NHERF1: variants seen among roughly 807,000 people sequenced by gnomAD.
The protein encoded by NHERF1 is NHERF family PDZ scaffold protein 1.
At chr17:74,766,872 ACCT>A in the NHERF1 span, 1 of 1,505,892 alleles carries the variant, frequency 6.6e-7, no homozygotes, top group Non-Finnish European at 9.2e-7. Context: ...CCCAACTCCT[ACCT>A]CCTCTCCACG....
the NHERF1 span, chr17:74,748,765 C>T: frequency 7.7e-7 from 1 of 1,293,094 alleles, no homozygotes; most frequent in East Asian, 2.5e-5. The surrounding 1 kb of genome is among the most constrained non-coding windows in gnomAD (Gnocchi z 4.3). Flanking sequence ...TCCCGGTTCG[C>T]TGGACGGGAA....
chr17:74,753,973 G>A, the NHERF1 span, among the ~76,000 whole-genome samples: 1 of 152,078 alleles, frequency 6.6e-6, no homozygotes, highest in Non-Finnish European at 1.5e-5. Flanking sequence ...AGACCAGCCT[G>A]GCCAACATGG....
At chr17:74,759,293 G>T in the NHERF1 span, among the ~76,000 whole-genome samples, 3 of 152,242 alleles carry the variant, frequency 2.0e-5, no homozygotes, top group Non-Finnish European at 2.9e-5. Context: ...AGCCCCTCAG[G>T]CTGGGTACCC....
the NHERF1 span, among the ~76,000 whole-genome samples, chr17:74,759,499 C>T: frequency 1.3e-3 from 205 of 151,868 alleles, no homozygotes; most frequent in African/African-American, 4.5e-3. Context: ...CCCTGCCAGC[C>T]GGGGGGGGCG....
chr17:74,765,833 T>C, the NHERF1 span, among the ~76,000 whole-genome samples: 191 of 152,320 alleles, frequency 1.3e-3, 1 homozygote, highest in Middle Eastern at 6.8e-3. Flanking sequence ...GTCCCAGTCA[T>C]GAGCCACCGA....
the NHERF1 span, among the ~76,000 whole-genome samples, chr17:74,764,666 A>AT: frequency 2.5e-4 from 38 of 152,148 alleles, 1 homozygote; most frequent in East Asian, 5.0e-3. This position sits in a 1 kb window ranked among gnomAD's most constrained non-coding sequence, Gnocchi z 4.9. Flanking sequence ...CCCCTCAGAC[A>AT]TTCCTCCCTC....
chr17:74,751,736 C>A, the NHERF1 span, among the ~76,000 whole-genome samples: 3 of 152,218 alleles, frequency 2.0e-5, no homozygotes, highest in Admixed American at 1.3e-4. This position sits in a 1 kb window ranked among gnomAD's most constrained non-coding sequence, Gnocchi z 4.3. Flanking sequence ...CCTCCTCCCC[C>A]CATTCACCAC....
chr17:74,751,141 G>A, the NHERF1 span, among the ~76,000 whole-genome samples: 3 of 152,136 alleles, frequency 2.0e-5, no homozygotes, highest in African/African-American at 7.2e-5. The surrounding 1 kb of genome is among the most constrained non-coding windows in gnomAD (Gnocchi z 4.3). Flanking sequence ...TGAAGCACTT[G>A]AGCCCCTTAC....
At chr17:74,762,014 C>G in the NHERF1 span, 1 of 1,613,948 alleles carries the variant, frequency 6.2e-7, no homozygotes. This position sits in a 1 kb window ranked among gnomAD's most constrained non-coding sequence, Gnocchi z 4.2. Context: ...CCCTGCAGCG[C>G]GAGCTTCGGC....
chr17:74,749,988 A>G, the NHERF1 span, among the ~76,000 whole-genome samples: 1 of 152,208 alleles, frequency 6.6e-6, no homozygotes, highest in Non-Finnish European at 1.5e-5. The surrounding 1 kb of genome is among the most constrained non-coding windows in gnomAD (Gnocchi z 5.6). Context: ...TACGATTCTC[A>G]GGAATGTGAA....
chr17:74,761,554 A>G, the NHERF1 span, among the ~76,000 whole-genome samples: 1 of 152,152 alleles, frequency 6.6e-6, no homozygotes, highest in Non-Finnish European at 1.5e-5. This position sits in a 1 kb window ranked among gnomAD's most constrained non-coding sequence, Gnocchi z 4.3. Context: ...AGAACGGGGT[A>G]CAAAGGGGCT....
the NHERF1 span, among the ~76,000 whole-genome samples, chr17:74,761,402 A>T: frequency 6.6e-6 from 1 of 152,186 alleles, no homozygotes; most frequent in African/African-American, 2.4e-5. This position sits in a 1 kb window ranked among gnomAD's most constrained non-coding sequence, Gnocchi z 4.3. Context: ...GTTTTTGGTT[A>T]TCTGCTCCTT....
At chr17:74,754,399 CTTTT>C in the NHERF1 span, among the ~76,000 whole-genome samples, 27 of 59,706 alleles carry the variant, frequency 4.5e-4, no homozygotes, top group South Asian at 3.1e-3. Context: ...TTCTTTCTTT[CTTTT>C]TTTTTTTTTT....
the NHERF1 span, among the ~76,000 whole-genome samples, chr17:74,765,866 G>T: frequency 6.6e-6 from 1 of 152,006 alleles, no homozygotes; most frequent in Non-Finnish European, 1.5e-5. Flanking sequence ...TTCTCTTTCA[G>T]TTGAGGCAGG....
the NHERF1 span, among the ~76,000 whole-genome samples, chr17:74,758,243 A>G: frequency 6.6e-6 from 1 of 152,132 alleles, no homozygotes; most frequent in African/African-American, 2.4e-5. This position sits in a 1 kb window ranked among gnomAD's most constrained non-coding sequence, Gnocchi z 4.3. Flanking sequence ...CGCTCCCTGG[A>G]CTGCGTGGGT....
At chr17:74,762,842 G>A in the NHERF1 span, among the ~76,000 whole-genome samples, 1 of 152,212 alleles carries the variant, frequency 6.6e-6, no homozygotes, top group Non-Finnish European at 1.5e-5. This position sits in a 1 kb window ranked among gnomAD's most constrained non-coding sequence, Gnocchi z 4.2. Context: ...CCAGGCGTGA[G>A]CCACCTCACC....
At chr17:74,762,186 G>T in the NHERF1 span, 5 of 1,613,422 alleles carry the variant, frequency 3.1e-6, no homozygotes, top group South Asian at 2.2e-5. This position sits in a 1 kb window ranked among gnomAD's most constrained non-coding sequence, Gnocchi z 4.2. Context: ...GATGCTTCTC[G>T]CTCTCTTCCT....
At chr17:74,749,286 A>T in the NHERF1 span, 1 of 1,528,042 alleles carries the variant, frequency 6.5e-7, no homozygotes, top group African/African-American at 1.4e-5. This position sits in a 1 kb window ranked among gnomAD's most constrained non-coding sequence, Gnocchi z 5.6. Flanking sequence ...CACCCGGAGC[A>T]GGTAAGCGGG....
chr17:74,764,669 C>G, the NHERF1 span, among the ~76,000 whole-genome samples: 1 of 152,212 alleles, frequency 6.6e-6, no homozygotes, highest in Non-Finnish European at 1.5e-5. This position sits in a 1 kb window ranked among gnomAD's most constrained non-coding sequence, Gnocchi z 4.9. Context: ...CTCAGACATT[C>G]CTCCCTCTTC....
Sources: allele counts gnomAD v4.1 joint callset (sites outside exome capture counted in the v4.1 genomes callset), GRCh38; gene constraint gnomAD v4.1.1; non-coding constraint Gnocchi (gnomAD v3.1); transcripts MANE v1.5; gene names NCBI Gene and HGNC (gene_info 2026-07-23, HGNC 2026-07-21).